Variants in SV2C observed in about 807,000 individuals in gnomAD.
SV2C encodes synaptic vesicle glycoprotein 2C, also known as solute carrier family 22 member B3.
SV2C carries 49 observed loss-of-function variants against 79.7 expected under a neutral mutation model. The observed-to-expected ratio is 0.61, with a 90% CI of 0.49 to 0.78. The LOEUF is 0.78. Ranked by LOEUF, SV2C falls within the 30% of genes least tolerant of loss-of-function variation. SV2C has a pLI of 0.00. For missense variants in SV2C, 833 were observed against 912.9 expected (o/e 0.91, Z 1.13); for synonymous variants, 334 against 333.2 (o/e 1.00, Z -0.03).
At chr5:76,035,556 G>T in the SV2C span, among the ~76,000 whole-genome samples, 1 of 152,032 alleles carries the variant, frequency 6.6e-6, no homozygotes, top group Non-Finnish European at 1.5e-5. Context: ...GCAGTTGAGT[G>T]GTTTTGAGTG....
chr5:76,171,963 C>A (rs1464937891), intron 2 of SV2C, among the ~76,000 whole-genome samples: 2 of 129,160 alleles, frequency 1.5e-5, no homozygotes, highest in Non-Finnish European at 3.4e-5. Flanking sequence ...GCCTGGCCAG[C>A]CGCCCCGTCC....
chr5:75,917,125 A>G, the SV2C span, among the ~76,000 whole-genome samples: 1 of 152,114 alleles, frequency 6.6e-6, no homozygotes, highest in Non-Finnish European at 1.5e-5. Context: ...TCCTGGGATC[A>G]CCTCCCAGTG....
At chr5:75,937,989 G>A in the SV2C span, among the ~76,000 whole-genome samples, 1 of 151,774 alleles carries the variant, frequency 6.6e-6, no homozygotes, top group Non-Finnish European at 1.5e-5. Flanking sequence ...TTTATCACTG[G>A]GAGACAAGGA....
At chr5:75,952,654 C>T in the SV2C span, among the ~76,000 whole-genome samples, 2 of 151,796 alleles carry the variant, frequency 1.3e-5, no homozygotes, top group African/African-American at 4.8e-5. Context: ...CTTCCTCCTC[C>T]TCTTGCCATG....
intron 12 of SV2C, among the ~76,000 whole-genome samples, chr5:76,313,089 A>T (rs749402739): frequency 6.6e-6 from 1 of 152,202 alleles, no homozygotes; most frequent in Non-Finnish European, 1.5e-5. Context: ...TGAGATTTAA[A>T]TGAGGAGTAT....
chr5:76,035,591 T>G, the SV2C span, among the ~76,000 whole-genome samples: 1 of 141,564 alleles, frequency 7.1e-6, no homozygotes, highest in Non-Finnish European at 1.5e-5. Flanking sequence ...GAGTTCTAGT[T>G]TGATTGCACT....
At chr5:76,190,332 G>A (rs1285749757) in intron 2 of SV2C, among the ~76,000 whole-genome samples, 1 of 152,148 alleles carries the variant, frequency 6.6e-6, no homozygotes, top group Admixed American at 6.5e-5. Context: ...GGGTGGGAGA[G>A]TTAGTGGATA....
At position 76,132,090 on chromosome 5, in the gene SV2C, G is replaced by T; in HGVS notation, c.340G>T (p.Gly114Cys). Residue 114 changes from glycine (G) to cysteine (C), a missense_variant, in exon 2 of 13, where the codon GGC (glycine) becomes TGC (cysteine). Coordinates refer to ENST00000502798, the MANE Select transcript of SV2C (RefSeq NM_014979.4). ...CATCGTGTCAGTGGGGCAGCCCAAG[G>T]GCGATGAGTACAAGGACCGGCGGGA... is the stretch of plus-strand genomic sequence containing the variant. ...DSIVSVGQPK[G>C]DEYKDRRELE... The T allele has an allele frequency of 6.2e-7, 1 of 1,613,512 alleles. No individual in the cohort carries two copies.
chr5:76,171,629 G>A (rs1186640044), intron 2 of SV2C, among the ~76,000 whole-genome samples: 3 of 134,736 alleles, frequency 2.2e-5, no homozygotes, highest in Non-Finnish European at 5.0e-5. Context: ...TCAGCCCCCC[G>A]CCCGGCCAGC....
intron 4 of SV2C, among the ~76,000 whole-genome samples, chr5:76,248,623 ATTT>A (rs369098544): frequency 7.0e-6 from 1 of 143,358 alleles, no homozygotes; most frequent in Non-Finnish European, 1.5e-5. Context: ...GTGCTCAGTG[ATTT>A]TTTTTTTTTT....
rs547765665 is a variant in SV2C at position 76,221,726 on chromosome 5, C to T, written c.913+11839C>T. Among the ~76,000 whole-genome samples, 39 of 152,238 alleles carry T rather than the reference C, an allele frequency of 2.6e-4. No homozygotes were observed. The South Asian group carries it at 4.6e-3, about 18-fold the overall frequency. On this transcript the variant is annotated intron_variant, in intron 4 of 12. Transcript: ENST00000502798. ...TAGCATTTCAGAGTGGATTAGACTT[C>T]CCTGGTACTCAGATCACAGTTGGCT... is the stretch of plus-strand genomic sequence containing the variant.
intron 2 of SV2C, among the ~76,000 whole-genome samples, chr5:76,142,477 A>G (rs1422635714): frequency 3.3e-5 from 5 of 152,236 alleles, no homozygotes; most frequent in Non-Finnish European, 7.3e-5. Flanking sequence ...ATTATTTCAC[A>G]TAAAGATTTT....
At chr5:75,868,088 A>C in the SV2C span, among the ~76,000 whole-genome samples, 1 of 152,364 alleles carries the variant, frequency 6.6e-6, no homozygotes, top group Non-Finnish European at 1.5e-5. Flanking sequence ...AGGAAAGCTC[A>C]GAAGTGACAT....
the SV2C span, among the ~76,000 whole-genome samples, chr5:76,043,750 T>C: frequency 3.3e-5 from 5 of 152,238 alleles, no homozygotes; most frequent in Non-Finnish European, 7.3e-5. Flanking sequence ...TTTTGTTTCA[T>C]TGCTTTGTGT....
the SV2C span, among the ~76,000 whole-genome samples, chr5:75,978,740 A>G: frequency 6.6e-6 from 1 of 152,228 alleles, no homozygotes. Context: ...AAATACCTTG[A>G]AAGAGGTGAA....
chr5:76,240,640 C>G (rs928115248), intron 4 of SV2C, among the ~76,000 whole-genome samples: 1 of 152,142 alleles, frequency 6.6e-6, no homozygotes, highest in Non-Finnish European at 1.5e-5. Flanking sequence ...GTTATACACT[C>G]TTTATATGCT....
chr5:76,247,338 G>A (rs1055946811), intron 4 of SV2C, among the ~76,000 whole-genome samples: 16 of 152,186 alleles, frequency 1.1e-4, no homozygotes, highest in Admixed American at 5.9e-4. Context: ...ATGCTTTCCC[G>A]TGGCCATATG....
chr5:75,954,174 G>T, the SV2C span, among the ~76,000 whole-genome samples: 1 of 151,918 alleles, frequency 6.6e-6, no homozygotes, highest in Non-Finnish European at 1.5e-5. Flanking sequence ...ACTGCCTTAT[G>T]CATTCTCTCT....
chr5:76,218,703 T>C (rs1744976029), intron 4 of SV2C, among the ~76,000 whole-genome samples: 1 of 152,194 alleles, frequency 6.6e-6, no homozygotes. Flanking sequence ...CACCATGGCA[T>C]ATGTATAACT....
Sources: gnomAD v4.1 joint callset for allele counts (sites outside exome capture counted in the v4.1 genomes callset) on GRCh38, gnomAD v4.1.1 for gene constraint, MANE v1.5 for transcripts, NCBI Gene and HGNC (gene_info 2026-07-23, HGNC 2026-07-21) for gene names.